IZUMO1: variants seen among roughly 807,000 people sequenced by gnomAD.
The protein encoded by IZUMO1 is izumo sperm-egg fusion protein 1.
IZUMO1 carries 44 observed loss-of-function variants against 40.7 expected under a neutral mutation model. The ratio of observed to expected loss-of-function variants is 1.08; its 90% confidence interval spans 0.85 to 1.39. IZUMO1 has a LOEUF of 1.39. IZUMO1 is among the 40% of genes most tolerant of loss of function. The pLI is 0.00. For missense variants in IZUMO1, 368 were observed against 436.9 expected (o/e 0.84, Z 1.41); for synonymous variants, 149 against 170.9 (o/e 0.87, Z 1.00).
intron 6 of IZUMO1, among the ~76,000 whole-genome samples, 160 bp from the exon 7 acceptor site, chr19:48,742,469 T>C (rs1337900299): frequency 6.6e-6 from 1 of 151,952 alleles, no homozygotes; most frequent in Non-Finnish European, 1.5e-5. Flanking sequence ...TGCCTCAGCC[T>C]CCTGAGTATC....
rs375493750 is a variant in IZUMO1 at position 48,745,908 on chromosome 19, A to G, written c.-49T>C. On this transcript the variant is annotated 5_prime_UTR_variant, in exon 2 of 10. The change abolishes the stop of an existing upstream ORF in the 5' untranslated region. Transcript: ENST00000332955. ...GAAGACCGTTAGGAAGGGTGCTCTC[A>G]CCCCAAACCGAGAGCAGGAGAACGC... 1.2e-6 allele frequency: 2 copies of G among 1,607,016 alleles called. No individual in the cohort carries two copies. The highest frequency in any genetic ancestry group is 2.7e-5 in the African/African-American group (2 of 74,696).
chr19:48,745,214 C>T lies in IZUMO1; in HGVS notation c.310G>A (p.Gly104Ser), dbSNP rs944947619. Residue 104 changes from glycine to serine, a missense_variant and splice_region_variant, in exon 3 of 10, where the codon GGC becomes AGC. Gly to Ser is a moderately conservative substitution (Grantham distance 56). Transcript: ENST00000332955. ...ACTCCCACCCCCTTGATGCATTTAC[C>T]TTTTACATCACTGTCTGTGATGCGT... ...LKRITDSDVK[G>S]DLFVKELFWM... is the part of the protein sequence containing the mutation. 1.2e-6 allele frequency: 2 copies of T among 1,613,106 alleles called. No individual in the cohort carries two copies. The highest frequency in any genetic ancestry group is 1.7e-6 in the Non-Finnish European group (2 of 1,179,124).
intron 4 of IZUMO1, 41 bp from the exon 5 acceptor site, chr19:48,744,236 CAG>C (rs771041594): frequency 2.3e-5 from 37 of 1,596,046 alleles, no homozygotes; most frequent in Non-Finnish European, 3.0e-5. Flanking sequence ...AAAGAGATGA[CAG>C]AGTCAGATTT....
At position 48,741,848 on chromosome 19, in the gene IZUMO1, C is replaced by T. The variant is rs779042265; in HGVS notation, c.695G>A (p.Arg232His). ...GGAATTCACAGAGCCCAGCTCGCAG[C>T]GGTAGCTGCCTGCATCCTCTGGACC... ...MVGPEDAGSY[R>H]CELGSVNSSP... The change falls in exon 8 of 10, where the codon CGC (arginine) becomes CAC (histidine). Residue 232 changes from arginine to histidine, a missense_variant. Coordinates refer to ENST00000332955, the MANE Select transcript of IZUMO1 (RefSeq NM_182575.3). This position sits in a 1 kb window ranked among gnomAD's most constrained non-coding sequence, Gnocchi z 4.4. 5 of 1,610,872 alleles carry T rather than the reference C, an allele frequency of 3.1e-6. No homozygotes were observed. The Admixed American group carries it at 5.0e-5, about 16-fold the overall frequency.
rs767858499 is a variant in IZUMO1, at chr19:48,745,902, G to A, written c.-43C>T. On this transcript the variant is annotated 5_prime_UTR_variant, in exon 2 of 10. Coordinates refer to ENST00000332955, the MANE Select transcript of IZUMO1 (RefSeq NM_182575.3). ...GTTCCCGAAGACCGTTAGGAAGGGTGCTCTCACCCCAAACCGAGAGCAGGA... is the reference window on the plus strand; with the variant it reads ...GTTCCCGAAGACCGTTAGGAAGGGTACTCTCACCCCAAACCGAGAGCAGGA... The A allele has an allele frequency of 8.1e-6, 13 of 1,609,116 alleles. No homozygotes were observed. The East Asian group carries it at 2.7e-4, about 33-fold the overall frequency.
Position 48,742,234 on chromosome 19 carries a change from C to T in IZUMO1, c.575G>A (p.Gly192Asp), listed in dbSNP as rs1365922856. Residue 192 changes from glycine (G) to aspartate (D), a missense_variant, in exon 7 of 10, where the codon GGC becomes GAC. Transcript: ENST00000332955. ...CCTGTAAAAGCTGTAATCAGTGAGG[C>T]CTTCCGAAGCCTGATGCCAGTTTAA... ...CELNWHQASE[G>D]LTDYSFYRVW... The T allele has an allele frequency of 2.5e-6, 4 of 1,613,934 alleles. No individual in the cohort carries two copies. Among genetic ancestry groups the T allele is most frequent in the East Asian group, 4.5e-5 (2 of 44,884 alleles).
At position 48,741,207 on chromosome 19, in the gene IZUMO1, C is replaced by T. The variant is rs2033676484; in HGVS notation, c.932+94G>A. On this transcript the variant is annotated intron_variant, in intron 9 of 9. Coordinates refer to ENST00000332955, the MANE Select transcript of IZUMO1 (RefSeq NM_182575.3). This position sits in a 1 kb window ranked among gnomAD's most constrained non-coding sequence, Gnocchi z 4.4. The stretch of plus-strand genomic sequence containing the variant: ...TCCCCAGGAAAGTCCTGCTCTCAGG[C>T]CTCAGTAGCCCCCAGACCAGCTTCT... 6.9e-7 allele frequency: 1 copy of T among 1,448,100 alleles called. No homozygotes were observed. Among genetic ancestry groups the T allele is most frequent in the Admixed American group, 2.3e-5 (1 of 43,690 alleles). The allele number at this position is 1,448,100 out of a possible 1,614,324, so 89.7% of individuals were successfully genotyped here.
At chr19:48,742,141 C>A in intron 7 of IZUMO1, 68 bp downstream of exon 7, 1 of 1,493,592 alleles carries the variant, frequency 6.7e-7, no homozygotes, top group Middle Eastern at 1.7e-4. Flanking sequence ...TGGGTGCAGG[C>A]CCATAGATCC....
intron 3 of IZUMO1, among the ~76,000 whole-genome samples, chr19:48,744,893 C>T (rs1473574113): frequency 6.6e-6 from 1 of 152,140 alleles, no homozygotes; most frequent in Non-Finnish European, 1.5e-5. Context: ...GACAAGGTTT[C>T]ACCATGTTGG....
rs1282260705 is a variant in IZUMO1 at position 48,746,714 on chromosome 19, T to A, written c.-353A>T. ...AGGGCTTTTAAAGAGGAAGCCGGGG[T>A]CATGACCACCTACGCTAATTTTCCC... is the stretch of plus-strand genomic sequence containing the variant. On this transcript the variant is annotated 5_prime_UTR_variant, in exon 1 of 10. Coordinates refer to ENST00000332955, the MANE Select transcript of IZUMO1 (RefSeq NM_182575.3). 2.0e-6 allele frequency: 2 copies of A among 984,858 alleles called. No homozygotes were observed. Among genetic ancestry groups the A allele is most frequent in the African/African-American group, 1.8e-5 (1 of 57,000 alleles). The allele number at this position is 984,858 out of a possible 1,614,324, so 61.0% of individuals were successfully genotyped here.
At chr19:48,743,343 G>T in intron 6 of IZUMO1, 102 bp downstream of exon 6, 1 of 1,081,670 alleles carries the variant, frequency 9.2e-7, no homozygotes, top group Non-Finnish European at 1.4e-6. Flanking sequence ...ACCTTTTCTT[G>T]TCTACTGCCC....
At position 48,742,264 on chromosome 19, in the gene IZUMO1, C is replaced by T; in HGVS notation, c.545G>A (p.Cys182Tyr). The T allele has an allele frequency of 6.2e-7, 1 of 1,614,180 alleles. No individual in the cohort carries two copies. The highest frequency in any genetic ancestry group is 1.3e-5 in the African/African-American group (1 of 75,064). ...CGAAGCCTGATGCCAGTTTAACTCA[C>T]AGTCCAGGATCATGTCTTCCATTTG... ...VPQMEDMILD[C>Y]ELNWHQASEG... Residue 182 changes from cysteine to tyrosine, a missense_variant, in exon 7 of 10, where the codon TGT becomes TAT. By Grantham distance (194) the Cys-to-Tyr change is radical (BLOSUM62 -2). Transcript: ENST00000332955.
At chr19:48,742,131 T>G in intron 7 of IZUMO1, 78 bp downstream of exon 7, 1 of 1,492,058 alleles carries the variant, frequency 6.7e-7, no homozygotes, top group East Asian at 2.3e-5. Context: ...ATGAGAATCG[T>G]GGGTGCAGGC....
Position 48,745,300 on chromosome 19 carries a change from G to T in IZUMO1, c.236-12C>A. On this transcript the variant is annotated splice_polypyrimidine_tract_variant and intron_variant, in intron 2 of 9. Transcript: ENST00000332955. Reference sequence around the variant, plus strand: ...CAGTGTGGCCTCATCTGTCAGAGGAGATATAACCCCAGATTCCAGCCTTAC... The same window carrying T: ...CAGTGTGGCCTCATCTGTCAGAGGATATATAACCCCAGATTCCAGCCTTAC... 1.2e-6 allele frequency: 2 copies of T among 1,611,452 alleles called. No individual in the cohort carries two copies. Among genetic ancestry groups the T allele is most frequent in the Non-Finnish European group, 8.5e-7 (1 of 1,177,586 alleles).
intron 2 of IZUMO1, 70 bp from the exon 3 acceptor site, chr19:48,745,358 CA>C: frequency 7.1e-7 from 1 of 1,412,566 alleles, no homozygotes; most frequent in East Asian, 2.3e-5. Flanking sequence ...TTAGAAACTA[CA>C]ATACCCATGA....
chr19:48,741,054 C>T lies in IZUMO1; in HGVS notation c.933-26G>A. The T allele has an allele frequency of 4.3e-6, 7 of 1,612,980 alleles. No individual in the cohort carries two copies. Among genetic ancestry groups the T allele is most frequent in the African/African-American group, 1.3e-5 (1 of 75,010 alleles). ...CTAGGGGTGGGAGTGGGGTGCAGAT[C>T]ATGGAACCGGTTTGGGTACTAATTG... On this transcript the variant is annotated intron_variant, in intron 9 of 9. Transcript: ENST00000332955. This position sits in a 1 kb window ranked among gnomAD's most constrained non-coding sequence, Gnocchi z 4.4.
rs1165523491 is a variant in IZUMO1, at chr19:48,744,472, A to G, written c.378T>C (p.Val126=). The G allele has an allele frequency of 6.2e-7, 1 of 1,613,686 alleles. No homozygotes were observed. Among genetic ancestry groups the G allele is most frequent in the Admixed American group, 1.7e-5 (1 of 60,006 alleles). The change falls in exon 4 of 10, where the codon GTT becomes GTC. Residue 126 remains valine (V), a synonymous_variant. Transcript: ENST00000332955. ...TCTCACCCTCTTTTTGGAATCGAGC[A>G]ACATAGGTGGCAAAGGTTTCCTTTT... ...HLQKETFATY[V]ARFQKEAYCP...
In IZUMO1 at chr19:48,742,081, G is replaced by T. The variant is rs1348778589; in HGVS notation, c.600+128C>A. The T allele has an allele frequency of 2.7e-6, 4 of 1,508,642 alleles. No individual in the cohort carries two copies. The East Asian group carries it at 9.1e-5, about 34-fold the overall frequency. 93.5% of individuals were successfully genotyped at this position (1,508,642 alleles called of 1,614,324 possible). A position where few individuals can be genotyped will look rare whatever the true frequency, so the allele number is the denominator to read the frequency against. ...TGGTCAGGGCACGGGGTCCCCAGAGGTCTGTAGAGACCACACCTAATAGAC... is the reference window on the plus strand; with the variant it reads ...TGGTCAGGGCACGGGGTCCCCAGAGTTCTGTAGAGACCACACCTAATAGAC... On this transcript the variant is annotated intron_variant, in intron 7 of 9. Coordinates refer to ENST00000332955, the MANE Select transcript of IZUMO1 (RefSeq NM_182575.3).
intron 5 of IZUMO1, 24 bp from the exon 6 acceptor site, chr19:48,743,549 G>C (rs1460173003): frequency 1.3e-6 from 2 of 1,573,742 alleles, no homozygotes; most frequent in South Asian, 2.2e-5. Context: ...GTCAAGGCTT[G>C]TATTTGCCCA....
Sources: gnomAD v4.1 joint callset for allele counts (sites outside exome capture counted in the v4.1 genomes callset) on GRCh38, gnomAD v4.1.1 for gene constraint, Gnocchi (gnomAD v3.1) non-coding constraint, MANE v1.5 for transcripts, NCBI Gene and HGNC (gene_info 2026-07-23, HGNC 2026-07-21) for gene names.